The following KIF26B variants were observed in gnomAD, a reference collection of about 807,000 sequenced individuals.
KIF26B encodes kinesin family member 26B.
Under a neutral mutation model 151.2 loss-of-function variants are expected in KIF26B, and 63 were observed. The ratio of observed to expected loss-of-function variants is 0.42; its 90% CI spans 0.34 to 0.51. KIF26B has a LOEUF of 0.51. Ranked by LOEUF, KIF26B falls within the 20% of genes least tolerant of loss-of-function variation. The pLI, the probability that KIF26B is intolerant of heterozygous loss-of-function variation, is 0.07. For synonymous variants in KIF26B, 1,357 were observed against 1,262.1 expected, an observed-to-expected ratio of 1.08 and a Z score of -1.59; for missense variants, 2,813 against 2,913.6, an observed-to-expected ratio of 0.97 and a Z score of 0.79.
At position 245,667,270 on chromosome 1, in the gene KIF26B, G is replaced by A. The variant is rs1422881741; in HGVS notation, c.2259-16963G>A. Among the ~76,000 whole-genome samples, 2 of 152,116 alleles carry A rather than the reference G, an allele frequency of 1.3e-5. No homozygotes were observed. Among genetic ancestry groups the A allele is most frequent in the South Asian group, 4.1e-4 (2 of 4,828 alleles). Reference sequence around the variant, plus strand: ...GGCTCACTGCAGCCTTAAGCTCCTGGGCTCAAGCTATCCTCCTGACTCAGC... The same window carrying A: ...GGCTCACTGCAGCCTTAAGCTCCTGAGCTCAAGCTATCCTCCTGACTCAGC... On this transcript the variant is annotated intron_variant, in intron 10 of 14. Coordinates refer to ENST00000407071, the MANE Select transcript of KIF26B (RefSeq NM_018012.4). This position sits in a 1 kb window ranked among gnomAD's most constrained non-coding sequence, Gnocchi z 4.3.
intron 3 of KIF26B, among the ~76,000 whole-genome samples, chr1:245,413,376 C>A (rs551627613): frequency 2.0e-5 from 3 of 152,258 alleles, no homozygotes; most frequent in East Asian, 3.9e-4. Flanking sequence ...AAAAATAAGG[C>A]TCTTGGCCAG....
intron 4 of KIF26B, among the ~76,000 whole-genome samples, chr1:245,451,360 C>A (rs1659385260): frequency 6.6e-6 from 1 of 151,896 alleles, no homozygotes; most frequent in Non-Finnish European, 1.5e-5. Flanking sequence ...TACTTAATAT[C>A]AAATTTTTAA....
At chr1:245,632,724 A>G (rs970813313) in intron 9 of KIF26B, among the ~76,000 whole-genome samples, 3 of 152,162 alleles carry the variant, frequency 2.0e-5, no homozygotes, top group East Asian at 1.9e-4. Flanking sequence ...CCTGGGCAAC[A>G]TGGTGAAACT....
intron 5 of KIF26B, among the ~76,000 whole-genome samples, chr1:245,562,735 C>T (rs1364420850): frequency 6.6e-6 from 1 of 152,034 alleles, no homozygotes; most frequent in Non-Finnish European, 1.5e-5. Flanking sequence ...GTCAGGATCT[C>T]ATTGCTCTGT....
chr1:245,176,677 C>T (rs1025081279), intron 2 of KIF26B, among the ~76,000 whole-genome samples: 7 of 152,128 alleles, frequency 4.6e-5, no homozygotes, highest in African/African-American at 1.7e-4. Context: ...GTCAGCTGGC[C>T]CACTCCTATT....
Position 245,637,336 on chromosome 1 carries a change from C to A in KIF26B, c.2099-8785C>A, listed in dbSNP as rs570362913. Among the ~76,000 whole-genome samples the A allele has an allele frequency of 3.3e-5, 5 of 152,012 alleles. No individual in the cohort carries two copies. In the South Asian group the frequency reaches 1.0e-3, roughly 31 times the overall value. ...TCTTCTGATAAATGTCTATTCAGGT[C>A]TTTTGCTCATTTTAAATTGGATTAT... On this transcript the variant is annotated intron_variant, in intron 9 of 14. Coordinates refer to ENST00000407071, the MANE Select transcript of KIF26B (RefSeq NM_018012.4).
At chr1:245,535,141 A>G (rs1452139243) in intron 4 of KIF26B, among the ~76,000 whole-genome samples, 1 of 152,060 alleles carries the variant, frequency 6.6e-6, no homozygotes, top group East Asian at 1.9e-4. Context: ...AAATAATACA[A>G]TTATACGTGA....
At chr1:245,619,597 CTG>C (rs2043635809) in intron 9 of KIF26B, among the ~76,000 whole-genome samples, 1 of 92,540 alleles carries the variant, frequency 1.1e-5, no homozygotes. Flanking sequence ...TAGAGGGAAA[CTG>C]TTTCAAAAAA....
At chr1:245,610,634 C>T (rs2103153081) in intron 8 of KIF26B, among the ~76,000 whole-genome samples, 1 of 152,328 alleles carries the variant, frequency 6.6e-6, no homozygotes, top group Non-Finnish European at 1.5e-5. Flanking sequence ...TTCAAATATG[C>T]TTTCACCCCC....
rs1408436859 is a variant in KIF26B, at chr1:245,366,814, T to C, written c.466-20T>C. 2 of 1,609,556 alleles carry C rather than the reference T, an allele frequency of 1.2e-6. No individual in the cohort carries two copies. The highest frequency in any genetic ancestry group is 2.2e-5 in the East Asian group (1 of 44,774). On this transcript the variant is annotated intron_variant, in intron 2 of 14. Coordinates refer to ENST00000407071, the MANE Select transcript of KIF26B (RefSeq NM_018012.4). Reference sequence around the variant, plus strand: ...TTGGAGTTATAGAATCTCCTCTCCCTCTGCTTCTGTGTTCTGTAGGACCCT... The same window carrying C: ...TTGGAGTTATAGAATCTCCTCTCCCCCTGCTTCTGTGTTCTGTAGGACCCT...
rs951072917 is a variant in KIF26B, at chr1:245,167,916, G to A, written c.465+11233G>A. 4.6e-5 allele frequency among the ~76,000 whole-genome samples: 7 copies of A among 152,104 alleles called. No homozygotes were observed. Among genetic ancestry groups the A allele is most frequent in the Admixed American group, 1.3e-4 (2 of 15,272 alleles). On this transcript the variant is annotated intron_variant, in intron 2 of 14. Transcript: ENST00000407071. This position sits in a 1 kb window ranked among gnomAD's most constrained non-coding sequence, Gnocchi z 4.2. ...GAGAGGGCGAGGAAACAAAGAAATG[G>A]GTGGTATACGCATCCAAGGTTGTCT...
intron 5 of KIF26B, among the ~76,000 whole-genome samples, chr1:245,562,681 C>T (rs753090074): frequency 6.7e-6 from 1 of 149,454 alleles, no homozygotes; most frequent in Non-Finnish European, 1.5e-5. Context: ...GAGTTACCTT[C>T]CTTTGTATAG....
At chr1:245,470,167 C>T (rs954160949) in intron 4 of KIF26B, among the ~76,000 whole-genome samples, 41 of 151,880 alleles carry the variant, frequency 2.7e-4, no homozygotes, top group Non-Finnish European at 3.5e-4. Flanking sequence ...TTGGAGGTGA[C>T]GTTGACACCC....
intron 2 of KIF26B, among the ~76,000 whole-genome samples, chr1:245,327,666 G>A (rs1672017404): frequency 1.3e-5 from 2 of 152,154 alleles, no homozygotes; most frequent in African/African-American, 4.8e-5. Context: ...AGAGCTCTGT[G>A]TCCCTGGAAG....
chr1:245,486,701 G>T (rs1289139491), intron 4 of KIF26B, among the ~76,000 whole-genome samples: 1 of 151,902 alleles, frequency 6.6e-6, no homozygotes, highest in Non-Finnish European at 1.5e-5. Flanking sequence ...ACGAGGTCTC[G>T]CTCTGTCACC....
In KIF26B at chr1:245,688,099, G is replaced by T. The variant is rs1454001800; in HGVS notation, c.5116G>T (p.Ala1706Ser). ...HAGKDGTMPR[A>S]GRSLGRSAGT... ...GGGCAAGGACGGCACCATGCCCCGC[G>T]CGGGGAGGAGCCTGGGCCGCAGCGC... The change falls in exon 12 of 15, where the codon GCG becomes TCG. Residue 1706 changes from alanine to serine, a missense_variant. Coordinates refer to ENST00000407071, the MANE Select transcript of KIF26B (RefSeq NM_018012.4). 1.9e-6 allele frequency: 3 copies of T among 1,554,226 alleles called. No homozygotes were observed. Among genetic ancestry groups the T allele is most frequent in the African/African-American group, 2.7e-5 (2 of 73,552 alleles).
intron 9 of KIF26B, among the ~76,000 whole-genome samples, chr1:245,623,403 T>C (rs2043686448): frequency 6.6e-6 from 1 of 152,226 alleles, no homozygotes; most frequent in Non-Finnish European, 1.5e-5. Flanking sequence ...AATCATTTCA[T>C]TGCCTGTATC....
At chr1:245,610,063 T>C (rs1388178494) in intron 8 of KIF26B, among the ~76,000 whole-genome samples, 5 of 152,206 alleles carry the variant, frequency 3.3e-5, no homozygotes, top group African/African-American at 1.2e-4. Flanking sequence ...TGGGAGGGTC[T>C]CTCCTTTGCT....
intron 3 of KIF26B, among the ~76,000 whole-genome samples, chr1:245,392,705 G>A (rs994987845): frequency 1.2e-4 from 19 of 152,164 alleles, no homozygotes; most frequent in Admixed American, 9.2e-4. Flanking sequence ...GTCTTTTGGC[G>A]TGGAGCTAAT....
Sources: gnomAD v4.1 joint callset for allele counts (sites outside exome capture counted in the v4.1 genomes callset) on GRCh38, gnomAD v4.1.1 for gene constraint, Gnocchi (gnomAD v3.1) non-coding constraint, MANE v1.5 for transcripts, NCBI Gene and HGNC (gene_info 2026-07-23, HGNC 2026-07-21) for gene names.